Variants in C1orf21 observed in about 807,000 individuals in gnomAD.
C1orf21 encodes the protein chromosome 1 open reading frame 21.
In C1orf21, 3 loss-of-function variants were observed where a neutral mutation model predicts 18.7. The observed-to-expected ratio is 0.16, with a 90% CI of 0.07 to 0.42. The LOEUF (loss-of-function observed/expected upper bound fraction) is 0.42. C1orf21 is among the 10% of genes least tolerant of loss of function. The pLI is 0.99. For missense variants in C1orf21, 104 were observed against 143.6 expected (o/e 0.72, Z 1.41); for synonymous variants, 41 against 46.4 (o/e 0.88, Z 0.47).
intron 2 of C1orf21, 115 bp downstream of exon 2, chr1:184,477,718 C>T: frequency 1.3e-6 from 1 of 774,344 alleles, no homozygotes; most frequent in East Asian, 2.7e-5. Context: ...TTGTTACATG[C>T]CTAGAATGTG....
intron 1 of C1orf21, among the ~76,000 whole-genome samples, chr1:184,425,966 T>C (rs1409359039): frequency 6.6e-6 from 1 of 152,174 alleles, no homozygotes; most frequent in Non-Finnish European, 1.5e-5. Flanking sequence ...ATAAAGAGAG[T>C]CAAATAGTGA....
chr1:184,540,008 T>G (rs1190619334), intron 3 of C1orf21: 1 of 152,238 alleles, frequency 6.6e-6, no homozygotes, highest in Non-Finnish European at 1.5e-5. Flanking sequence ...TAAACCCTTG[T>G]TGTTTTAAGC....
chr1:184,589,640 A>G (rs1659409912), intron 3 of C1orf21, among the ~76,000 whole-genome samples: 1 of 152,260 alleles, frequency 6.6e-6, no homozygotes, highest in African/African-American at 2.4e-5. Flanking sequence ...CAAGAAACTT[A>G]TGATTGTTTC....
chr1:184,535,781 A>G (rs930525002), intron 3 of C1orf21, among the ~76,000 whole-genome samples: 1 of 152,184 alleles, frequency 6.6e-6, no homozygotes, highest in Non-Finnish European at 1.5e-5. Flanking sequence ...AAGGAAGTAT[A>G]AATACAGTAC....
At chr1:184,512,736 A>T (rs910775389) in intron 3 of C1orf21, among the ~76,000 whole-genome samples, 14 of 152,174 alleles carry the variant, frequency 9.2e-5, no homozygotes, top group African/African-American at 3.1e-4. Context: ...CAAGTTCCTC[A>T]TCTGGAACCT....
Position 184,575,016 on chromosome 1 carries a change from G to A in C1orf21, c.190-15723G>A, listed in dbSNP as rs117094059. Among the ~76,000 whole-genome samples the A allele has an allele frequency of 1.1e-3, 163 of 152,256 alleles. 4 individuals carry two copies. In the East Asian group the frequency reaches 0.021, roughly 20 times the overall value. On this transcript the variant is annotated intron_variant, in intron 3 of 5. Coordinates refer to ENST00000235307, the MANE Select transcript of C1orf21 (RefSeq NM_030806.4). ...AGCTTCTAAAAGGCTGAAAAGATAC[G>A]CAAATGAAGAAACTCGGGGCTCAAC...
intron 2 of C1orf21, among the ~76,000 whole-genome samples, chr1:184,479,357 A>G (rs913376877): frequency 1.3e-5 from 2 of 152,194 alleles, no homozygotes; most frequent in Non-Finnish European, 2.9e-5. Flanking sequence ...TTTTTATAAT[A>G]GAGCTACCAT....
At chr1:184,520,327 G>A (rs527765495) in intron 3 of C1orf21, among the ~76,000 whole-genome samples, 1 of 152,100 alleles carries the variant, frequency 6.6e-6, no homozygotes. Context: ...ACTTCTTTTA[G>A]AATTTTTACA....
intron 1 of C1orf21, among the ~76,000 whole-genome samples, chr1:184,392,103 G>C (rs149007132): frequency 1.4e-4 from 22 of 152,334 alleles, no homozygotes; most frequent in Admixed American, 2.6e-4. Context: ...GATTGTAGCT[G>C]TGGTCTTCAT....
chr1:184,431,998 G>A (rs1180423319), intron 1 of C1orf21, among the ~76,000 whole-genome samples: 1 of 152,186 alleles, frequency 6.6e-6, no homozygotes, highest in Non-Finnish European at 1.5e-5. Flanking sequence ...AGTTAGAATG[G>A]CGATCATTAA....
In C1orf21 at chr1:184,458,125, C is replaced by T. The variant is rs144754044; in HGVS notation, c.-124-19261C>T. Among the ~76,000 whole-genome samples the T allele has an allele frequency of 7.0e-3, 1,059 of 152,218 alleles. 6 individuals carry two copies. Among genetic ancestry groups the T allele is most frequent in the Middle Eastern group, 0.02 (6 of 294 alleles). On this transcript the variant is annotated intron_variant, in intron 1 of 5. Transcript: ENST00000235307. ...TGACTCCAAAGCCTACGTTCCTTCGCCTGACCCGTTCTGGCTCTGTAGGTG... is the reference window on the plus strand; with the variant it reads ...TGACTCCAAAGCCTACGTTCCTTCGTCTGACCCGTTCTGGCTCTGTAGGTG...
chr1:184,557,228 A>T (rs1182959420), intron 3 of C1orf21, among the ~76,000 whole-genome samples: 1 of 151,954 alleles, frequency 6.6e-6, no homozygotes, highest in Non-Finnish European at 1.5e-5. Flanking sequence ...GAGAAGCTCA[A>T]TTTGTGTGTA....
intron 3 of C1orf21, chr1:184,540,200 A>G (rs1658626011): frequency 6.6e-6 from 1 of 152,230 alleles, no homozygotes. Context: ...TAATGCATGT[A>G]TCTTTTACCC....
chr1:184,585,243 T>TA (rs1172055031), intron 3 of C1orf21, among the ~76,000 whole-genome samples: 3 of 152,164 alleles, frequency 2.0e-5, no homozygotes, highest in Non-Finnish European at 4.4e-5. Context: ...TTCCTAATGA[T>TA]ACTAAGAGGC....
chr1:184,584,036 G>C (rs935962252), intron 3 of C1orf21, among the ~76,000 whole-genome samples: 2 of 151,698 alleles, frequency 1.3e-5, no homozygotes, highest in African/African-American at 2.4e-5. Flanking sequence ...TGCTTTATCC[G>C]AGCTGCTGCT....
chr1:184,450,939 G>T lies in C1orf21; in HGVS notation c.-124-26447G>T, dbSNP rs185882114. On this transcript the variant is annotated intron_variant, in intron 1 of 5. Transcript: ENST00000235307. ...ATCGCCCAGGCTGGAGTGCAGTGGC[G>T]CAATCTCAGCTCACTGCAACTTCTG... Among the ~76,000 whole-genome samples, 883 of 152,108 alleles carry T rather than the reference G, an allele frequency of 5.8e-3. 10 individuals are homozygous for T. Among genetic ancestry groups the T allele is most frequent in the African/African-American group, 0.02 (824 of 41,510 alleles).
intron 3 of C1orf21, chr1:184,540,210 C>G (rs1658626146): frequency 1.3e-5 from 2 of 152,102 alleles, no homozygotes; most frequent in African/African-American, 4.8e-5. Context: ...ATCTTTTACC[C>G]AAATACTAAA....
chr1:184,404,547 C>G (rs987571508), intron 1 of C1orf21, among the ~76,000 whole-genome samples: 1 of 152,126 alleles, frequency 6.6e-6, no homozygotes, highest in Admixed American at 6.5e-5. Flanking sequence ...TTTTCTGGCA[C>G]CAATTCTACC....
intron 1 of C1orf21, among the ~76,000 whole-genome samples, chr1:184,460,212 A>G (rs1243619159): frequency 1.3e-5 from 2 of 152,214 alleles, no homozygotes; most frequent in Non-Finnish European, 2.9e-5. Flanking sequence ...TAGTGGGGGC[A>G]GGGAACAGCA....
Sources: allele counts gnomAD v4.1 joint callset (sites outside exome capture counted in the v4.1 genomes callset), GRCh38; gene constraint gnomAD v4.1.1; transcripts MANE v1.5; gene names NCBI Gene and HGNC (gene_info 2026-07-23, HGNC 2026-07-21).